The following PTPRD variants were observed in gnomAD, a reference collection of about 807,000 sequenced individuals.
The protein encoded by PTPRD is receptor-type tyrosine-protein phosphatase delta.
In PTPRD, 34 loss-of-function variants were observed where a neutral mutation model predicts 214.5. That is an observed-to-expected ratio of 0.16 (90% CI 0.12 to 0.21). PTPRD has a LOEUF of 0.21. PTPRD is among the 10% of genes least tolerant of loss of function. The pLI, the probability that PTPRD is intolerant of heterozygous loss-of-function variation, is 1.00. For missense variants in PTPRD, 2,545 were observed against 2,398.7 expected (o/e 1.06, Z -1.27); for synonymous variants, 1,128 against 845.7 (o/e 1.33, Z -5.79).
At chr9:9,445,949 CA>C (rs1444836196) in intron 8 of PTPRD, among the ~76,000 whole-genome samples, 1 of 152,028 alleles carries the variant, frequency 6.6e-6, no homozygotes, top group East Asian at 1.9e-4. Flanking sequence ...ATTGTTTAGA[CA>C]AAAGGAAGTG....
chr9:8,342,077 C>T (rs906818856), intron 39 of PTPRD, 99 bp from the exon 40 acceptor site: 1 of 1,220,340 alleles, frequency 8.2e-7, no homozygotes, highest in African/African-American at 1.5e-5. Flanking sequence ...GACCTTACAT[C>T]CATTACTTCT....
intron 11 of PTPRD, among the ~76,000 whole-genome samples, chr9:8,928,751 G>A (rs1265254154): frequency 6.6e-6 from 1 of 152,092 alleles, no homozygotes; most frequent in African/African-American, 2.4e-5. Flanking sequence ...GTTTCATGGG[G>A]AAAGCACTGA....
chr9:10,218,184 G>A (rs1219743336), intron 3 of PTPRD, among the ~76,000 whole-genome samples: 2 of 151,776 alleles, frequency 1.3e-5, no homozygotes, highest in Non-Finnish European at 2.9e-5. Flanking sequence ...TCTTTCTTAC[G>A]AATAGCGTCT....
chr9:9,886,046 C>T (rs994281819), intron 5 of PTPRD, among the ~76,000 whole-genome samples: 7 of 151,526 alleles, frequency 4.6e-5, no homozygotes, highest in African/African-American at 1.7e-4. Flanking sequence ...GAAAAGAAAC[C>T]TTTGGACTCC....
chr9:9,448,819 C>T (rs116694976), intron 8 of PTPRD, among the ~76,000 whole-genome samples: 1,827 of 152,110 alleles, frequency 0.012, 24 homozygotes, highest in African/African-American at 0.042. Context: ...TGCACACACA[C>T]TGTGGTATAG....
chr9:8,997,498 G>C (rs964730018), intron 11 of PTPRD, among the ~76,000 whole-genome samples: 1 of 152,036 alleles, frequency 6.6e-6, no homozygotes, highest in African/African-American at 2.4e-5. Flanking sequence ...GTTCATAAGA[G>C]ACAGTGAGTT....
At chr9:8,970,447 A>AT (rs1479727611) in intron 11 of PTPRD, among the ~76,000 whole-genome samples, 3 of 151,942 alleles carry the variant, frequency 2.0e-5, no homozygotes, top group Non-Finnish European at 4.4e-5. Context: ...CATCCAAAAG[A>AT]TTATAAAAAG....
rs530767489 is a variant in PTPRD, at chr9:10,585,786, G to A, written c.-600+26612C>T. 2.6e-5 allele frequency among the ~76,000 whole-genome samples: 4 copies of A among 151,722 alleles called. No homozygotes were observed. The South Asian group carries it at 6.2e-4, about 24-fold the overall frequency. ...GGAAAAGGGCCCTTATTAAATACTG[G>A]AGACTTTCCAGGATAATACCTGATT... is the stretch of plus-strand genomic sequence containing the variant. On this transcript the variant is annotated intron_variant, in intron 2 of 45. Transcript: ENST00000381196.
chr9:10,393,325 T>A (rs2154492163), intron 2 of PTPRD, among the ~76,000 whole-genome samples: 1 of 151,490 alleles, frequency 6.6e-6, no homozygotes, highest in Non-Finnish European at 1.5e-5. Flanking sequence ...GTGTATGTGG[T>A]CAGAACCAAA....
chr9:10,415,420 G>A (rs1472497928), intron 2 of PTPRD, among the ~76,000 whole-genome samples: 1 of 151,714 alleles, frequency 6.6e-6, no homozygotes, highest in Non-Finnish European at 1.5e-5. Flanking sequence ...ACAAGTTATG[G>A]ACTCTTTTAT....
In PTPRD at chr9:8,960,296, T is replaced by C. The variant is rs141386041; in HGVS notation, c.-104+58401A>G. On this transcript the variant is annotated intron_variant, in intron 11 of 45. Coordinates refer to ENST00000381196, the MANE Select transcript of PTPRD (RefSeq NM_002839.4). ...TAGTTATTATCATTAGTTATCATGA[T>C]TGCTAATTCATAATACAGTTAGAAA... Among the ~76,000 whole-genome samples, 125 of 152,222 alleles carry C rather than the reference T, an allele frequency of 8.2e-4. 1 individual carries two copies. The East Asian group carries it at 0.017, about 21-fold the overall frequency.
chr9:8,836,139 T>C (rs1194276927), intron 11 of PTPRD, among the ~76,000 whole-genome samples: 1 of 152,228 alleles, frequency 6.6e-6, no homozygotes, highest in Non-Finnish European at 1.5e-5. Flanking sequence ...CTGTATGCTC[T>C]ATTATACAAA....
intron 3 of PTPRD, among the ~76,000 whole-genome samples, chr9:10,048,895 G>T (rs1372834737): frequency 6.6e-6 from 1 of 152,002 alleles, no homozygotes; most frequent in Non-Finnish European, 1.5e-5. Flanking sequence ...CAAGCAGAAA[G>T]AGCAGAAAGG....
At chr9:9,243,296 C>T (rs200914830) in intron 9 of PTPRD, among the ~76,000 whole-genome samples, 4 of 152,124 alleles carry the variant, frequency 2.6e-5, no homozygotes, top group African/African-American at 9.7e-5. Flanking sequence ...TTTATGAGGT[C>T]AGCATCATCC....
At chr9:10,394,749 C>T (rs187841687) in intron 2 of PTPRD, among the ~76,000 whole-genome samples, 99 of 149,790 alleles carry the variant, frequency 6.6e-4, no homozygotes, top group African/African-American at 2.3e-3. Context: ...TAAAATAAGC[C>T]ATTTAATAAT....
chr9:9,351,616 G>A (rs1338945169), intron 9 of PTPRD, among the ~76,000 whole-genome samples: 1 of 152,020 alleles, frequency 6.6e-6, no homozygotes, highest in Non-Finnish European at 1.5e-5. Context: ...AGCAAACCAA[G>A]AAGCCTTGGA....
intron 21 of PTPRD, among the ~76,000 whole-genome samples, chr9:8,512,851 A>G (rs1223734770): frequency 1.3e-5 from 2 of 152,046 alleles, no homozygotes; most frequent in Non-Finnish European, 2.9e-5. Flanking sequence ...ATGAACATCA[A>G]GCAACATTTA....
At chr9:10,350,872 T>C (rs1565470644) in intron 2 of PTPRD, among the ~76,000 whole-genome samples, 1 of 152,228 alleles carries the variant, frequency 6.6e-6, no homozygotes, top group African/African-American at 2.4e-5. Context: ...TGTTTGGCCT[T>C]ATGGAGTTTA....
chr9:10,166,587 C>T (rs1220996797), intron 3 of PTPRD, among the ~76,000 whole-genome samples: 1 of 151,916 alleles, frequency 6.6e-6, no homozygotes, highest in African/African-American at 2.4e-5. Context: ...GTGAATTTCT[C>T]AATTTATTCA....
Sources: allele counts gnomAD v4.1 joint callset (sites outside exome capture counted in the v4.1 genomes callset), GRCh38; gene constraint gnomAD v4.1.1; transcripts MANE v1.5; gene names NCBI Gene and HGNC (gene_info 2026-07-23, HGNC 2026-07-21).